GBE1: variants seen among roughly 807,000 people sequenced by gnomAD.
GBE1 encodes the protein 1,4-alpha-glucan-branching enzyme.
GBE1 carries 70 observed loss-of-function variants against 88.8 expected under a neutral mutation model. That is an observed-to-expected ratio of 0.79 (90% confidence interval 0.65 to 0.96). GBE1 has a LOEUF of 0.96. GBE1 is among the 40% of genes least tolerant of loss of function. GBE1 has a pLI of 0.00. For synonymous variants in GBE1, 284 were observed against 300.1 expected, an observed-to-expected ratio of 0.95 and a Z score of 0.56; for missense variants, 872 against 871.0, an observed-to-expected ratio of 1.00 and a Z score of -0.01.
At chr3:81,739,999 A>G (rs1270207014) in intron 1 of GBE1, among the ~76,000 whole-genome samples, 1 of 152,108 alleles carries the variant, frequency 6.6e-6, no homozygotes, top group Admixed American at 6.6e-5. Flanking sequence ...CCAAGGCAGG[A>G]GAATCACCTG....
intron 7 of GBE1, among the ~76,000 whole-genome samples, chr3:81,639,381 C>G (rs916752418): frequency 2.0e-5 from 3 of 151,762 alleles, no homozygotes; most frequent in African/African-American, 7.3e-5. Flanking sequence ...ACATAACTCT[C>G]TGATAATTCT....
intron 7 of GBE1, among the ~76,000 whole-genome samples, chr3:81,601,672 A>G (rs764059198): frequency 2.0e-5 from 3 of 152,210 alleles, no homozygotes; most frequent in Non-Finnish European, 4.4e-5. Context: ...TATTTGTTTA[A>G]ATATTACATA....
At chr3:81,612,613 A>G (rs1036690261) in intron 7 of GBE1, 1 of 613,296 alleles carries the variant, frequency 1.6e-6, no homozygotes, top group African/African-American at 1.8e-5. Flanking sequence ...ACCTCTTCTG[A>G]AAAAGTGGTT....
At position 81,733,843 on chromosome 3, in the gene GBE1, T is replaced by C. The variant is rs1446366792; in HGVS notation, c.143+27532A>G. Among the ~76,000 whole-genome samples the C allele has an allele frequency of 6.6e-6, 1 of 152,224 alleles. No homozygotes were observed. Among genetic ancestry groups the C allele is most frequent in the Non-Finnish European group, 1.5e-5 (1 of 68,040 alleles). ...TTTATAGTCTCCTTGTTCACACCTA[T>C]ATTCCAATTATCTACAACAGTACCT... On this transcript the variant is annotated intron_variant, in intron 1 of 15. Transcript: ENST00000429644. This position sits in a 1 kb window ranked among gnomAD's most constrained non-coding sequence, Gnocchi z 4.0.
rs1706215549 is a variant in GBE1 at position 81,733,464 on chromosome 3, G to A, written c.144-27851C>T. The stretch of plus-strand genomic sequence containing the variant: ...AACAATCCCCTGCCCCCCATTCATG[G>A]AAAAATTGTCTTCCACAAAACCAGT... On this transcript the variant is annotated intron_variant, in intron 1 of 15. Coordinates refer to ENST00000429644, the MANE Select transcript of GBE1 (RefSeq NM_000158.4). This position sits in a 1 kb window ranked among gnomAD's most constrained non-coding sequence, Gnocchi z 4.0. Among the ~76,000 whole-genome samples the A allele has an allele frequency of 6.6e-6, 1 of 152,106 alleles. No homozygotes were observed. Among genetic ancestry groups the A allele is most frequent in the Non-Finnish European group, 1.5e-5 (1 of 68,006 alleles).
At position 81,642,864 on chromosome 3, in the gene GBE1, A is replaced by G; in HGVS notation, c.909T>C (p.Phe303=). 6.2e-7 allele frequency: 1 copy of G among 1,613,012 alleles called. No homozygotes were observed. The highest frequency in any genetic ancestry group is 8.5e-7 in the Non-Finnish European group (1 of 1,179,080). ...SKNSADGLNM[F]DGTDSCYFHS... is the part of the protein sequence containing the mutation. ...GAAAATAACAGGAATCTGTCCCATC[A>G]AACATATTCAATCCATCTGCTGAAT... Residue 303 remains phenylalanine (F), a synonymous_variant, in exon 7 of 16, where the codon TTT becomes TTC. Coordinates refer to ENST00000429644, the MANE Select transcript of GBE1 (RefSeq NM_000158.4).
intron 2 of GBE1, 34 bp from the exon 3 acceptor site, chr3:81,670,987 A>T (rs1419604649): frequency 8.2e-6 from 8 of 981,220 alleles, no homozygotes; most frequent in Non-Finnish European, 1.1e-5. Context: ...TAACAACAGC[A>T]TGATAGGACT....
In GBE1 at chr3:81,501,331, C is replaced by T. The variant is rs1443144187; in HGVS notation, c.1935-2104G>A. Among the ~76,000 whole-genome samples the T allele has an allele frequency of 2.0e-5, 3 of 152,266 alleles. No individual in the cohort carries two copies. In the East Asian group the frequency reaches 5.8e-4, roughly 29 times the overall value. ...CTGTTTCGGCATGGCTTCCCAATGTCTGGTGACGAGAATGTCCTCCTATTC... is the reference window on the plus strand; with the variant it reads ...CTGTTTCGGCATGGCTTCCCAATGTTTGGTGACGAGAATGTCCTCCTATTC... On this transcript the variant is annotated intron_variant, in intron 14 of 15. Coordinates refer to ENST00000429644, the MANE Select transcript of GBE1 (RefSeq NM_000158.4).
chr3:81,704,955 G>C (rs1207089782), intron 2 of GBE1, among the ~76,000 whole-genome samples: 2 of 151,950 alleles, frequency 1.3e-5, no homozygotes, highest in Non-Finnish European at 2.9e-5. Flanking sequence ...ACAAGGTAAA[G>C]GAAAAAAAGA....
chr3:81,562,043 A>T (rs1209232253), intron 12 of GBE1, among the ~76,000 whole-genome samples: 1 of 152,066 alleles, frequency 6.6e-6, no homozygotes, highest in Admixed American at 6.6e-5. Context: ...GAAATTTATT[A>T]CCGAACACAC....
intron 15 of GBE1, among the ~76,000 whole-genome samples, chr3:81,494,555 C>T (rs889359536): frequency 6.6e-6 from 1 of 152,164 alleles, no homozygotes; most frequent in African/African-American, 2.4e-5. Context: ...TGATAATATG[C>T]ATGCTGATAA....
chr3:81,596,949 T>G (rs1703964775), intron 7 of GBE1, among the ~76,000 whole-genome samples: 1 of 152,008 alleles, frequency 6.6e-6, no homozygotes, highest in Non-Finnish European at 1.5e-5. Flanking sequence ...ATTTCTACTC[T>G]CATAATTTCC....
Position 81,586,071 on chromosome 3 carries a change from A to G in GBE1, c.1335+21T>C, listed in dbSNP as rs533155283. On this transcript the variant is annotated intron_variant, in intron 10 of 15. Transcript: ENST00000429644. Reference sequence around the variant, plus strand: ...CAACACAGTATTCACAGAAACAAAAAATATTTACATGGACTCTTACCTGAA... The same window carrying G: ...CAACACAGTATTCACAGAAACAAAAGATATTTACATGGACTCTTACCTGAA... 6.3e-5 allele frequency: 93 copies of G among 1,483,590 alleles called. 2 individuals carry two copies. The South Asian group carries it at 1.0e-3, about 17-fold the overall frequency. The allele number at this position is 1,483,590 out of a possible 1,614,324, so 91.9% of individuals were successfully genotyped here. A position where few individuals can be genotyped will look rare whatever the true frequency, so the allele number is the denominator to read the frequency against.
chr3:81,653,108 G>A (rs1704874342), intron 3 of GBE1, among the ~76,000 whole-genome samples: 1 of 152,152 alleles, frequency 6.6e-6, no homozygotes, highest in Non-Finnish European at 1.5e-5. Flanking sequence ...CTGCTAGTGT[G>A]AGTATAAAGC....
intron 7 of GBE1, among the ~76,000 whole-genome samples, chr3:81,620,508 T>A (rs889529986): frequency 6.6e-6 from 1 of 152,146 alleles, no homozygotes; most frequent in Non-Finnish European, 1.5e-5. Context: ...TTTTAATATA[T>A]GAAATTTAAA....
chr3:81,637,584 A>G (rs986412342), intron 7 of GBE1, among the ~76,000 whole-genome samples: 1 of 152,138 alleles, frequency 6.6e-6, no homozygotes, highest in African/African-American at 2.4e-5. Context: ...TATCCTTTGT[A>G]TGCTATTTTT....
chr3:81,616,222 T>C (rs1197708980), intron 7 of GBE1, among the ~76,000 whole-genome samples: 1 of 152,202 alleles, frequency 6.6e-6, no homozygotes, highest in Non-Finnish European at 1.5e-5. Context: ...AATCTTGAAG[T>C]AGTCCAATTT....
intron 2 of GBE1, among the ~76,000 whole-genome samples, chr3:81,671,702 C>T (rs933651702): frequency 1.3e-5 from 2 of 151,966 alleles, no homozygotes; most frequent in African/African-American, 4.8e-5. Flanking sequence ...TAGGCAGAAC[C>T]ATAAAATGCT....
intron 2 of GBE1, among the ~76,000 whole-genome samples, chr3:81,691,739 C>T (rs1301817103): frequency 2.0e-5 from 3 of 152,124 alleles, no homozygotes; most frequent in South Asian, 2.1e-4. Context: ...TGATCATGTA[C>T]ACCTTCCTAG....
Sources: gnomAD v4.1 joint callset for allele counts (sites outside exome capture counted in the v4.1 genomes callset) on GRCh38, gnomAD v4.1.1 for gene constraint, Gnocchi (gnomAD v3.1) non-coding constraint, MANE v1.5 for transcripts, NCBI Gene and HGNC (gene_info 2026-07-23, HGNC 2026-07-21) for gene names.